The following AOPEP variants were observed in gnomAD, a reference collection of about 807,000 sequenced individuals.
The protein encoded by AOPEP is aminopeptidase O (putative).
A neutral mutation model predicts 98.1 loss-of-function variants in AOPEP; 77 were observed. That is an observed-to-expected ratio of 0.78 (90% CI 0.65 to 0.95). AOPEP has a LOEUF of 0.95. Ranked by LOEUF, AOPEP falls within the 40% of genes least tolerant of loss-of-function variation. The pLI is 0.00. For synonymous variants in AOPEP, 346 were observed against 365.3 expected, an observed-to-expected ratio of 0.95 and a Z score of 0.60; for missense variants, 1,024 against 1,024.7, an observed-to-expected ratio of 1.00 and a Z score of 0.01.
At chr9:95,137,524 C>T in the AOPEP span, among the ~76,000 whole-genome samples, 15 of 152,264 alleles carry the variant, frequency 9.9e-5, no homozygotes, top group African/African-American at 3.6e-4. Flanking sequence ...CATGGTGCCA[C>T]ACCCCCTCAA....
At chr9:95,006,671 C>T (rs190308911) in intron 13 of AOPEP, among the ~76,000 whole-genome samples, 10 of 152,146 alleles carry the variant, frequency 6.6e-5, no homozygotes, top group African/African-American at 2.4e-4. Flanking sequence ...TTTCTTTTTC[C>T]ACAGAGGGTC....
At chr9:94,794,284 C>T (rs934540738) in intron 4 of AOPEP, among the ~76,000 whole-genome samples, 2 of 152,122 alleles carry the variant, frequency 1.3e-5, no homozygotes, top group African/African-American at 4.8e-5. Flanking sequence ...TGCTGCACTC[C>T]CAGGATTTTA....
At chr9:95,042,000 G>A (rs1216212711) in intron 13 of AOPEP, among the ~76,000 whole-genome samples, 4 of 152,144 alleles carry the variant, frequency 2.6e-5, no homozygotes, top group African/African-American at 9.7e-5. Flanking sequence ...ATGAATTCAA[G>A]TGTAGCCAAG....
chr9:94,867,332 C>T (rs1426859838), intron 5 of AOPEP, among the ~76,000 whole-genome samples: 2 of 152,174 alleles, frequency 1.3e-5, no homozygotes, highest in African/African-American at 2.4e-5. Flanking sequence ...GTAGTCAGCA[C>T]GGCCCACTCT....
chr9:95,033,960 G>A (rs903009030), intron 13 of AOPEP, among the ~76,000 whole-genome samples: 2 of 152,174 alleles, frequency 1.3e-5, no homozygotes, highest in Non-Finnish European at 2.9e-5. Context: ...ACCCAGTGGA[G>A]ATTTAAAAAT....
intron 5 of AOPEP, among the ~76,000 whole-genome samples, chr9:94,902,842 G>A (rs1327478403): frequency 3.3e-5 from 5 of 151,726 alleles, no homozygotes; most frequent in South Asian, 2.1e-4. Flanking sequence ...GATCACCTGA[G>A]GTTGGGAGTT....
chr9:95,126,876 A>C, the AOPEP span: 1 of 382,550 alleles, frequency 2.6e-6, no homozygotes, highest in South Asian at 2.7e-5. Context: ...GTATTAGAGA[A>C]ACTTTAAACA....
intron 10 of AOPEP, among the ~76,000 whole-genome samples, chr9:94,975,053 G>T (rs2059756482): frequency 6.6e-6 from 1 of 152,062 alleles, no homozygotes; most frequent in African/African-American, 2.4e-5. Flanking sequence ...AATATAGTGA[G>T]ACCCCGTCTC....
In AOPEP at chr9:94,760,216, G is replaced by GTGTT; in HGVS notation, c.434_437dup (p.Leu146PhefsTer6). 6.2e-7 allele frequency: 1 copy of GTGTT among 1,614,184 alleles called. No homozygotes were observed. Among genetic ancestry groups the GTGTT allele is most frequent in the Non-Finnish European group, 8.5e-7 (1 of 1,180,038 alleles). ...TCATGGGAGTGAGGATTTTTTGCTA[G>GTGTT]TGTTGGACTGCTGTGATTTATCTGT... On this transcript the variant is annotated frameshift_variant, in exon 2 of 17. Coordinates refer to ENST00000375315, the MANE Select transcript of AOPEP (RefSeq NM_001193329.3). LOFTEE classifies it high-confidence loss of function.
intron 3 of AOPEP, among the ~76,000 whole-genome samples, chr9:94,785,552 A>G (rs1323071380): frequency 6.6e-6 from 1 of 152,224 alleles, no homozygotes; most frequent in Non-Finnish European, 1.5e-5. Context: ...CTGCCCAGAA[A>G]GAAGGGCAAG....
the AOPEP span, among the ~76,000 whole-genome samples, chr9:95,122,563 A>G: frequency 1.3e-5 from 2 of 152,190 alleles, no homozygotes; most frequent in Non-Finnish European, 2.9e-5. Context: ...GCCTCACACC[A>G]GGACCCAGTG....
intron 1 of AOPEP, among the ~76,000 whole-genome samples, chr9:94,757,651 T>A (rs1481103299): frequency 2.0e-5 from 3 of 152,234 alleles, no homozygotes; most frequent in Non-Finnish European, 2.9e-5. Context: ...ATATCTATAA[T>A]GTTAAAAATA....
the AOPEP span, among the ~76,000 whole-genome samples, chr9:95,120,306 A>C: frequency 6.6e-6 from 1 of 152,212 alleles, no homozygotes; most frequent in African/African-American, 2.4e-5. Context: ...TCTCTGTCAA[A>C]AATCAGTTGG....
intron 16 of AOPEP, chr9:95,086,120 G>GT (rs1478533826): frequency 2.2e-6 from 3 of 1,364,374 alleles, no homozygotes; most frequent in Non-Finnish European, 2.9e-6. Flanking sequence ...CTTCGTGTCT[G>GT]TAAGTGCCCG....
At chr9:95,060,839 C>T (rs1269339249) in intron 14 of AOPEP, 29 bp downstream of exon 14, 2 of 1,359,054 alleles carry the variant, frequency 1.5e-6, no homozygotes, top group Non-Finnish European at 2.1e-6. Flanking sequence ...GGAGTTTAAC[C>T]AGCAGGTCCC....
rs1282466853 is a variant in AOPEP, at chr9:95,047,313, A to AT, written c.2116-13373dup. On this transcript the variant is annotated intron_variant, in intron 13 of 16. Coordinates refer to ENST00000375315, the MANE Select transcript of AOPEP (RefSeq NM_001193329.3). ...CCTCCATTCAGTAGTTCATTGCCTG[A>AT]TTTTTTTTAACCTTTCACGTAAACT... 2.0e-5 allele frequency among the ~76,000 whole-genome samples: 3 copies of AT among 152,028 alleles called. No homozygotes were observed. In the South Asian group the frequency reaches 6.2e-4, roughly 32 times the overall value.
intron 5 of AOPEP, among the ~76,000 whole-genome samples, chr9:94,863,921 A>G (rs2045409782): frequency 6.6e-6 from 1 of 152,184 alleles, no homozygotes; most frequent in Non-Finnish European, 1.5e-5. Context: ...TACCAGTTCA[A>G]ACCTAGTGAC....
intron 4 of AOPEP, among the ~76,000 whole-genome samples, chr9:94,799,524 C>G (rs746247186): frequency 2.0e-4 from 31 of 152,036 alleles, no homozygotes; most frequent in Non-Finnish European, 4.1e-4. Flanking sequence ...GAGCTATGAC[C>G]CTGCCACTGC....
chr9:94,881,619 T>A (rs2047595139), intron 5 of AOPEP, among the ~76,000 whole-genome samples: 1 of 152,214 alleles, frequency 6.6e-6, no homozygotes, highest in Non-Finnish European at 1.5e-5. Flanking sequence ...TTTATGTTTT[T>A]TTAATTAAAC....
Sources: allele counts gnomAD v4.1 joint callset (sites outside exome capture counted in the v4.1 genomes callset), GRCh38; gene constraint gnomAD v4.1.1; transcripts MANE v1.5; gene names NCBI Gene and HGNC (gene_info 2026-07-23, HGNC 2026-07-21).